PRPF39: variants seen among roughly 807,000 people sequenced by gnomAD.
PRPF39 encodes pre-mRNA processing factor 39.
In PRPF39, 27 loss-of-function variants were observed where a neutral mutation model predicts 82.1. That is an observed-to-expected ratio of 0.33 (90% CI 0.24 to 0.45). The LOEUF (loss-of-function observed/expected upper bound fraction) is 0.45. Ranked by LOEUF, PRPF39 falls within the 20% of genes least tolerant of loss-of-function variation. The probability of loss-of-function intolerance (pLI) is 1.00; values close to 1 mark genes in which losing one functional copy is unlikely to be tolerated. For missense variants in PRPF39, 581 were observed against 796.9 expected (o/e 0.73, Z 3.26); for synonymous variants, 261 against 256.4 (o/e 1.02, Z -0.17).
chr14:45,090,028 G>T (rs1045266195), intron 1 of PRPF39, among the ~76,000 whole-genome samples: 1 of 152,182 alleles, frequency 6.6e-6, no homozygotes, highest in African/African-American at 2.4e-5. Flanking sequence ...AAACCCTTAT[G>T]TCTCACCTAA....
chr14:45,114,292 T>C, intron 12 of PRPF39, 35 bp downstream of exon 12: 1 of 1,491,520 alleles, frequency 6.7e-7, no homozygotes, highest in South Asian at 1.2e-5. Context: ...GAAGGCGTGC[T>C]TCATTATGGA....
intron 4 of PRPF39, among the ~76,000 whole-genome samples, chr14:45,098,420 CTG>C (rs1011508084): frequency 6.7e-6 from 1 of 148,982 alleles, no homozygotes; most frequent in Non-Finnish European, 1.5e-5. Context: ...GCACTCCAGC[CTG>C]GATGACAGAG....
At chr14:45,108,373 T>C (rs753282521) in intron 6 of PRPF39, 42 bp from the exon 7 acceptor site, 5 of 1,535,852 alleles carry the variant, frequency 3.3e-6, no homozygotes, top group Non-Finnish European at 4.4e-6. Flanking sequence ...ATTTTCAGTA[T>C]ACAGTTTGTG....
chr14:45,099,483 C>T (rs956534171), intron 4 of PRPF39, among the ~76,000 whole-genome samples: 2 of 152,112 alleles, frequency 1.3e-5, no homozygotes, highest in Non-Finnish European at 2.9e-5. Context: ...CTCCCTCTCT[C>T]CCCCAGGGTG....
chr14:45,107,374 G>GTACTATA, intron 5 of PRPF39, 77 bp from the exon 6 acceptor site: 1 of 1,086,394 alleles, frequency 9.2e-7, no homozygotes, highest in East Asian at 2.7e-5. Flanking sequence ...CTTTGAAAGA[G>GTACTATA]TAGTATATAG....
chr14:45,096,786 C>T, intron 3 of PRPF39, 101 bp from the exon 4 acceptor site: 1 of 1,541,940 alleles, frequency 6.5e-7, no homozygotes, highest in South Asian at 1.2e-5. Context: ...AAACAAAATT[C>T]CAGTAATTAG....
chr14:45,112,964 A>G (rs1884737036), intron 11 of PRPF39, among the ~76,000 whole-genome samples: 1 of 152,194 alleles, frequency 6.6e-6, no homozygotes, highest in Non-Finnish European at 1.5e-5. Flanking sequence ...GTAAAAGCCG[A>G]AAGTTGAGGA....
chr14:45,103,088 G>A (rs1052274228), intron 5 of PRPF39, among the ~76,000 whole-genome samples: 1 of 152,052 alleles, frequency 6.6e-6, no homozygotes, highest in Non-Finnish European at 1.5e-5. Context: ...TTAATGATTT[G>A]CTAAATATAC....
At position 45,110,412 on chromosome 14, in the gene PRPF39, C is replaced by A; in HGVS notation, c.1304-137C>A. 1 of 1,191,302 alleles carries A rather than the reference C, an allele frequency of 8.4e-7. No homozygotes were observed. The highest frequency in any genetic ancestry group is 1.2e-6 in the Non-Finnish European group (1 of 859,698). The allele number at this position is 1,191,302 out of a possible 1,614,324, so 73.8% of individuals were successfully genotyped here. On this transcript the variant is annotated intron_variant, in intron 9 of 13. Transcript: ENST00000355765. This position sits in a 1 kb window ranked among gnomAD's most constrained non-coding sequence, Gnocchi z 4.0. ...ATTGTAGCCCCGAAACAGCCATAGG[C>A]AGTGTGTAAATATGCATGGCTGTTT...
In PRPF39 at chr14:45,114,274, TAAGTC is replaced by T. The variant is rs771289890; in HGVS notation, c.1832+21_1832+25del. On this transcript the variant is annotated intron_variant, in intron 12 of 13. Transcript: ENST00000355765. ...AGAAAATGGGTATGTCACTTTTTGCTAAGTCAAGAAGGCGTGCTTCATTATGGAAA... is the reference window on the plus strand; with the variant it reads ...AGAAAATGGGTATGTCACTTTTTGCTAAGAAGGCGTGCTTCATTATGGAAA... 1 of 1,559,522 alleles carries T rather than the reference TAAGTC, an allele frequency of 6.4e-7. No individual in the cohort carries two copies. The highest frequency in any genetic ancestry group is 1.1e-5 in the South Asian group (1 of 87,028).
In PRPF39 at chr14:45,112,495, G is replaced by A. The variant is rs1235536593; in HGVS notation, c.1750G>A (p.Val584Ile). Residue 584 changes from valine to isoleucine, a missense_variant, in exon 11 of 14, where the codon GTT (valine) becomes ATT (isoleucine). Val to Ile is a conservative substitution (Grantham distance 29). Coordinates refer to ENST00000355765, the MANE Select transcript of PRPF39 (RefSeq NM_017922.4). ...ATTTCTTGAAGATTTTGGTTCCGAT[G>A]TTAATAAGTAAGATATTAGTTATAT... ...VEFLEDFGSD[V>I]NKLLNAYDEH... The A allele has an allele frequency of 1.3e-6, 2 of 1,506,896 alleles. No homozygotes were observed. The highest frequency in any genetic ancestry group is 1.8e-6 in the Non-Finnish European group (2 of 1,137,254). The allele number at this position is 1,506,896 out of a possible 1,614,324, so 93.3% of individuals were successfully genotyped here. A position where few individuals can be genotyped will look rare whatever the true frequency, so the allele number is the denominator to read the frequency against.
In PRPF39 at chr14:45,115,918, A is replaced by AT; in HGVS notation, c.*1010dup. 5.6e-6 allele frequency: 2 copies of AT among 359,060 alleles called. No individual in the cohort carries two copies. The highest frequency in any genetic ancestry group is 3.7e-5 in the Admixed American group (1 of 26,730). 22.2% of individuals were successfully genotyped at this position (359,060 alleles called of 1,614,324 possible). ...ACAGTCAGATCAAGACAGTGGATCAATTTTTATTGAGCCACTTAAGTTTAC... is the reference window on the plus strand; with the variant it reads ...ACAGTCAGATCAAGACAGTGGATCAATTTTTTATTGAGCCACTTAAGTTTAC... On this transcript the variant is annotated 3_prime_UTR_variant, in exon 14 of 14. Transcript: ENST00000355765.
intron 11 of PRPF39, among the ~76,000 whole-genome samples, 154 bp downstream of exon 11, chr14:45,112,656 A>G (rs997586904): frequency 7.9e-5 from 12 of 152,188 alleles, no homozygotes; most frequent in African/African-American, 2.9e-4. Flanking sequence ...GGTAAATTCA[A>G]TTTTGTAAAT....
rs1201645892 is a variant in PRPF39, at chr14:45,114,259, T to C, written c.1832+2T>C. On this transcript the variant is annotated splice_donor_variant, in intron 12 of 13. Coordinates refer to ENST00000355765, the MANE Select transcript of PRPF39 (RefSeq NM_017922.4). LOFTEE classifies it high-confidence loss of function. ...TTTAAAAAGGAAAGCAGAAAATGGG[T>C]ATGTCACTTTTTGCTAAGTCAAGAA... The C allele has an allele frequency of 6.3e-7, 1 of 1,584,044 alleles. No individual in the cohort carries two copies. Among genetic ancestry groups the C allele is most frequent in the South Asian group, 1.1e-5 (1 of 88,002 alleles).
At chr14:45,101,961 C>T (rs1884389793) in intron 4 of PRPF39, among the ~76,000 whole-genome samples, 1 of 151,510 alleles carries the variant, frequency 6.6e-6, no homozygotes, top group African/African-American at 2.4e-5. Flanking sequence ...CATGTGCCAC[C>T]ATGCCTGGCT....
At chr14:45,109,819 A>G (rs772504014) in intron 8 of PRPF39, 39 bp downstream of exon 8, 7 of 1,549,448 alleles carry the variant, frequency 4.5e-6, no homozygotes, top group Non-Finnish European at 6.1e-6. Flanking sequence ...AATATATTAT[A>G]AACATTGATC....
At position 45,110,109 on chromosome 14, in the gene PRPF39, G is replaced by T; in HGVS notation, c.1192G>T (p.Glu398Ter). ...EFWIKYAKYM[E>*]NHSIEGVRHV... ...CTGTATGTAGTATGCCAAGTACATG[G>T]AAAACCATAGCATTGAAGGAGTGAG... The change falls in exon 9 of 14, where the codon GAA becomes TAA. Residue 398 changes from glutamate to a stop codon, truncating the protein, a stop_gained. Coordinates refer to ENST00000355765, the MANE Select transcript of PRPF39 (RefSeq NM_017922.4). LOFTEE classifies it high-confidence loss of function. The surrounding 1 kb of genome is among the most constrained non-coding windows in gnomAD (Gnocchi z 4.0). 1 of 1,613,398 alleles carries T rather than the reference G, an allele frequency of 6.2e-7. No homozygotes were observed.
At chr14:45,088,905 A>C (rs1410724332) in intron 1 of PRPF39, among the ~76,000 whole-genome samples, 1 of 152,198 alleles carries the variant, frequency 6.6e-6, no homozygotes, top group Non-Finnish European at 1.5e-5. Context: ...ATTTTTTTCT[A>C]TTCTATTTTC....
chr14:45,107,676 C>A lies in PRPF39; in HGVS notation c.903+60C>A, dbSNP rs531657893. 831 of 1,486,370 alleles carry A rather than the reference C, an allele frequency of 5.6e-4. 1 individual carries two copies. The highest frequency in any genetic ancestry group is 7.1e-4 in the Non-Finnish European group (776 of 1,100,206). The allele number at this position is 1,486,370 out of a possible 1,614,324, so 92.1% of individuals were successfully genotyped here. On this transcript the variant is annotated intron_variant, in intron 6 of 13. Coordinates refer to ENST00000355765, the MANE Select transcript of PRPF39 (RefSeq NM_017922.4). ...AGGTATGGTGGCTTATGCCTGTAAT[C>A]GCAGCACTTTGGGAGGCCAAGGTAG...
Sources: gnomAD v4.1 joint callset for allele counts (sites outside exome capture counted in the v4.1 genomes callset) on GRCh38, gnomAD v4.1.1 for gene constraint, Gnocchi (gnomAD v3.1) non-coding constraint, MANE v1.5 for transcripts, NCBI Gene and HGNC (gene_info 2026-07-23, HGNC 2026-07-21) for gene names.